The following ENTHD1 variants were observed in gnomAD, a reference collection of about 807,000 sequenced individuals.
ENTHD1 encodes ENTH domain-containing protein 1.
ENTHD1 carries 23 observed loss-of-function variants against 39.1 expected under a neutral mutation model. The ratio of observed to expected loss-of-function variants is 0.59; its 90% confidence interval spans 0.42 to 0.83. The LOEUF (loss-of-function observed/expected upper bound fraction) is 0.83, where lower values mean the gene tolerates loss of function less well. ENTHD1 is among the 40% of genes least tolerant of loss of function. The pLI is 0.00. For missense variants in ENTHD1, 624 were observed against 705.4 expected (o/e 0.88, Z 1.31); for synonymous variants, 230 against 258.2 (o/e 0.89, Z 1.05).
chr22:39,824,201 CT>C (rs71197195), intron 4 of ENTHD1, among the ~76,000 whole-genome samples: 279 of 71,394 alleles, frequency 3.9e-3, no homozygotes, highest in African/African-American at 0.014. Flanking sequence ...TTGTCCAGTT[CT>C]TTTTTTTTTT....
At chr22:39,805,923 G>T (rs1375825107) in intron 5 of ENTHD1, among the ~76,000 whole-genome samples, 2 of 152,076 alleles carry the variant, frequency 1.3e-5, no homozygotes, top group Non-Finnish European at 2.9e-5. Context: ...GCCTTTGGGG[G>T]GCTCTTCCAG....
At chr22:39,766,029 AAAAAAAAAAAAAAAAAAAAAG>A (rs2146559189) in intron 5 of ENTHD1, among the ~76,000 whole-genome samples, 1 of 139,058 alleles carries the variant, frequency 7.2e-6, no homozygotes, top group Non-Finnish European at 1.5e-5. Context: ...CAAAAAAAAA[AAAAAAAAAAAAAAAAAAAAAG>A]AAAGAAAAAG....
chr22:39,752,496 G>A (rs937244103), intron 6 of ENTHD1, among the ~76,000 whole-genome samples: 13 of 152,106 alleles, frequency 8.5e-5, no homozygotes, highest in African/African-American at 3.1e-4. Flanking sequence ...TCACAACTGA[G>A]AATACACTAA....
chr22:39,808,756 A>G (rs1242446458), intron 5 of ENTHD1, among the ~76,000 whole-genome samples: 1 of 152,210 alleles, frequency 6.6e-6, no homozygotes, highest in East Asian at 1.9e-4. Context: ...GCCACTGCAG[A>G]TAAAGAATGG....
intron 3 of ENTHD1, among the ~76,000 whole-genome samples, chr22:39,840,893 C>T (rs2065939186): frequency 6.6e-6 from 1 of 152,100 alleles, no homozygotes; most frequent in Non-Finnish European, 1.5e-5. Context: ...GCTGGGACTA[C>T]AGGCACCCAC....
At chr22:39,762,899 T>C (rs1782148259) in intron 6 of ENTHD1, among the ~76,000 whole-genome samples, 1 of 152,222 alleles carries the variant, frequency 6.6e-6, no homozygotes, top group Admixed American at 6.5e-5. Flanking sequence ...TTCTGTTGTC[T>C]ACTTTTCTCC....
intron 3 of ENTHD1, among the ~76,000 whole-genome samples, chr22:39,849,615 G>T (rs990193360): frequency 6.6e-6 from 1 of 152,058 alleles, no homozygotes; most frequent in Non-Finnish European, 1.5e-5. Flanking sequence ...TACAGATTTT[G>T]TACTTCTTTT....
intron 6 of ENTHD1, among the ~76,000 whole-genome samples, chr22:39,748,165 C>T (rs1247818446): frequency 6.6e-6 from 1 of 151,616 alleles, no homozygotes; most frequent in African/African-American, 2.4e-5. Flanking sequence ...GGGAGGACCA[C>T]CTGAGCCTGG....
intron 1 of ENTHD1, among the ~76,000 whole-genome samples, chr22:39,888,433 AT>A (rs889310416): frequency 4.4e-4 from 63 of 143,152 alleles, no homozygotes; most frequent in Admixed American, 6.9e-4. Flanking sequence ...ATGCCTGGCT[AT>A]TTTTTTTTTT....
At chr22:39,824,535 T>C (rs1280618185) in intron 4 of ENTHD1, among the ~76,000 whole-genome samples, 1 of 152,158 alleles carries the variant, frequency 6.6e-6, no homozygotes, top group Non-Finnish European at 1.5e-5. Context: ...AAGATTTTTC[T>C]CCTGTATTTT....
intron 1 of ENTHD1, among the ~76,000 whole-genome samples, chr22:39,890,265 C>T (rs1174386904): frequency 6.6e-6 from 1 of 151,860 alleles, no homozygotes; most frequent in Non-Finnish European, 1.5e-5. Context: ...TTCTCTTTTT[C>T]GTACTTCAAA....
chr22:39,885,944 A>C (rs2066375703), intron 2 of ENTHD1, among the ~76,000 whole-genome samples: 1 of 152,206 alleles, frequency 6.6e-6, no homozygotes, highest in Non-Finnish European at 1.5e-5. Context: ...TACAAAGGCA[A>C]ATTTTATGTT....
chr22:39,869,984 T>TTTAC (rs66554303), intron 2 of ENTHD1, among the ~76,000 whole-genome samples: 4 of 7,480 alleles, frequency 5.3e-4, no homozygotes, highest in Non-Finnish European at 2.5e-3. Context: ...AGAACAGTAC[T>TTTAC]TTATTTATTT....
At position 39,835,645 on chromosome 22, in the gene ENTHD1, A is replaced by T. The variant is rs549444312; in HGVS notation, c.711+195T>A. Among the ~76,000 whole-genome samples the T allele has an allele frequency of 3.0e-4, 45 of 152,142 alleles. No homozygotes were observed. In the South Asian group the frequency reaches 9.2e-3, roughly 31 times the overall value. ...ACATGAAGCTGCAAAAGACAAATTTAAAAAAAACCCAAAACATAAAAACAC... is the reference window on the plus strand; with the variant it reads ...ACATGAAGCTGCAAAAGACAAATTTTAAAAAAACCCAAAACATAAAAACAC... On this transcript the variant is annotated intron_variant, in intron 4 of 6. Coordinates refer to ENST00000325157, the MANE Select transcript of ENTHD1 (RefSeq NM_152512.4).
At chr22:39,886,130 T>G (rs934750285) in intron 2 of ENTHD1, among the ~76,000 whole-genome samples, 2 of 152,026 alleles carry the variant, frequency 1.3e-5, no homozygotes, top group South Asian at 4.2e-4. Context: ...GAATCTTAAG[T>G]ACATATTGCC....
At chr22:39,864,245 C>T (rs1044267657) in intron 2 of ENTHD1, among the ~76,000 whole-genome samples, 1 of 152,078 alleles carries the variant, frequency 6.6e-6, no homozygotes, top group Non-Finnish European at 1.5e-5. Context: ...CCCCTCATTC[C>T]TTCTACTCTA....
At chr22:39,813,601 C>T (rs1400278079) in intron 5 of ENTHD1, among the ~76,000 whole-genome samples, 2 of 152,156 alleles carry the variant, frequency 1.3e-5, no homozygotes, top group South Asian at 4.1e-4. Context: ...GCTGCAAAAA[C>T]ACACATTAAG....
chr22:39,870,368 A>G (rs183214430), intron 2 of ENTHD1, among the ~76,000 whole-genome samples: 26 of 152,272 alleles, frequency 1.7e-4, no homozygotes, highest in Admixed American at 1.4e-3. Flanking sequence ...CAACAAGATT[A>G]AAAAGATTAA....
chr22:39,749,634 C>T (rs1372845833), intron 6 of ENTHD1, among the ~76,000 whole-genome samples: 1 of 152,166 alleles, frequency 6.6e-6, no homozygotes. Flanking sequence ...AAGTTTTTGT[C>T]ATTCTCCAAT....
Sources: gnomAD v4.1 joint callset for allele counts (sites outside exome capture counted in the v4.1 genomes callset) on GRCh38, gnomAD v4.1.1 for gene constraint, MANE v1.5 for transcripts, NCBI Gene and HGNC (gene_info 2026-07-23, HGNC 2026-07-21) for gene names.